Variants in RIMS3 observed in about 807,000 individuals in gnomAD.
RIMS3 encodes the protein regulating synaptic membrane exocytosis 3.
RIMS3 carries 15 observed loss-of-function variants against 29.2 expected under a neutral mutation model. That is an observed-to-expected ratio of 0.51 (90% CI 0.34 to 0.79). The LOEUF is 0.79. Among genes scored for constraint, RIMS3 ranks in the 30% least tolerant of loss-of-function variants. The pLI, the probability that RIMS3 is intolerant of heterozygous loss-of-function variation, is 0.01. For missense variants in RIMS3, 342 were observed against 421.4 expected, an observed-to-expected ratio of 0.81 and a Z score of 1.65; for synonymous variants, 161 against 170.1, an observed-to-expected ratio of 0.95 and a Z score of 0.41.
chr1:40,626,828 A>G, intron 7 of RIMS3, 99 bp from the exon 8 acceptor site: 1 of 1,039,880 alleles, frequency 9.6e-7, no homozygotes, highest in Non-Finnish European at 1.5e-6. Flanking sequence ...GCACAGATGG[A>G]GCAGAGGGAG....
In RIMS3 at chr1:40,654,198, C is replaced by T. The variant is rs779569865; in HGVS notation, c.-206-6356G>A. ...CCCTCCCCCGCGCCGCTGACGAGGC[C>T]GGATCAATATTTCATGGGGGGAAGG... is the stretch of plus-strand genomic sequence containing the variant. On this transcript the variant is annotated intron_variant, in intron 1 of 7. Coordinates refer to ENST00000372684, the MANE Select transcript of RIMS3 (RefSeq NM_014747.3). The surrounding 1 kb of genome is among the most constrained non-coding windows in gnomAD (Gnocchi z 5.3). 1.5e-4 allele frequency among the ~76,000 whole-genome samples: 22 copies of T among 151,306 alleles called. No homozygotes were observed. The highest frequency in any genetic ancestry group is 2.6e-4 in the Admixed American group (4 of 15,230).
chr1:40,658,483 C>T (rs1235620996), intron 1 of RIMS3, among the ~76,000 whole-genome samples: 1 of 152,188 alleles, frequency 6.6e-6, no homozygotes, highest in Non-Finnish European at 1.5e-5. Flanking sequence ...ACGAAGATCC[C>T]CCTTCTCTGA....
chr1:40,641,927 G>GTCA lies in RIMS3; in HGVS notation c.-3_-2insTGA. The GTCA allele has an allele frequency of 6.2e-7, 1 of 1,612,980 alleles. No homozygotes were observed. The highest frequency in any genetic ancestry group is 8.5e-7 in the Non-Finnish European group (1 of 1,179,466). On this transcript the variant is annotated 5_prime_UTR_variant, in exon 3 of 8. In the 5' UTR this introduces an upstream ATG that the reference lacks. Transcript: ENST00000372684. ...AGGACCTGGCTCCCCGTTAAACATG[G>GTCA]TCCCCGGGGTGGCAGGGCCTCAGGC... is the stretch of plus-strand genomic sequence containing the variant.
At chr1:40,638,932 A>G (rs148612609) in intron 3 of RIMS3, among the ~76,000 whole-genome samples, 221 of 152,338 alleles carry the variant, frequency 1.5e-3, no homozygotes, top group African/African-American at 4.8e-3. Flanking sequence ...GAGTTTTTGT[A>G]AGTCCACTCT....
At chr1:40,659,306 A>T (rs1642316943) in intron 1 of RIMS3, among the ~76,000 whole-genome samples, 1 of 152,196 alleles carries the variant, frequency 6.6e-6, no homozygotes, top group South Asian at 2.1e-4. Flanking sequence ...TCAGGCGCAC[A>T]TCATAAAGGG....
At chr1:40,656,907 T>C (rs1642281847) in intron 1 of RIMS3, among the ~76,000 whole-genome samples, 1 of 151,956 alleles carries the variant, frequency 6.6e-6, no homozygotes, top group Non-Finnish European at 1.5e-5. Flanking sequence ...TGTTAAGAAA[T>C]GGCACTGAAA....
chr1:40,677,576 T>C, the RIMS3 span, among the ~76,000 whole-genome samples: 1 of 151,932 alleles, frequency 6.6e-6, no homozygotes, highest in African/African-American at 2.4e-5. Flanking sequence ...CGGGCGCCCG[T>C]AGTCCCAGCT....
chr1:40,680,858 T>G, the RIMS3 span, among the ~76,000 whole-genome samples: 9 of 152,220 alleles, frequency 5.9e-5, no homozygotes, highest in African/African-American at 2.2e-4. Context: ...TTGTCCATAT[T>G]ATACCATGCC....
At position 40,623,317 on chromosome 1, in the gene RIMS3, C is replaced by A. The variant is rs1399844884; in HGVS notation, c.*3200G>T. 7.5e-6 allele frequency: 3 copies of A among 398,280 alleles called. No individual in the cohort carries two copies. The highest frequency in any genetic ancestry group is 1.3e-5 in the Non-Finnish European group (3 of 226,006). 24.7% of individuals were successfully genotyped at this position (398,280 alleles called of 1,614,324 possible). ...CCCTTGTCAAACCAAGACTTGGCTC[C>A]ATTTACTGGAGCCTTTTTCATACCA... On this transcript the variant is annotated 3_prime_UTR_variant, in exon 8 of 8. Coordinates refer to ENST00000372684, the MANE Select transcript of RIMS3 (RefSeq NM_014747.3).
At chr1:40,634,304 C>T (rs555889548) in intron 4 of RIMS3, among the ~76,000 whole-genome samples, 1 of 152,330 alleles carries the variant, frequency 6.6e-6, no homozygotes, top group Non-Finnish European at 1.5e-5. Flanking sequence ...GTGTCTCTCC[C>T]TGACTAGGCC....
intron 1 of RIMS3, among the ~76,000 whole-genome samples, chr1:40,649,574 C>T (rs919391342): frequency 1.3e-5 from 2 of 152,224 alleles, no homozygotes; most frequent in Admixed American, 1.3e-4. Context: ...CGAGCTTGAA[C>T]ACGTGCACAA....
chr1:40,663,315 G>A (rs1642378661), intron 1 of RIMS3, among the ~76,000 whole-genome samples: 1 of 152,182 alleles, frequency 6.6e-6, no homozygotes, highest in Admixed American at 6.5e-5. Context: ...GACATTGACT[G>A]GGGGGTACAC....
chr1:40,670,671 C>T (rs941529440), upstream of RIMS3, among the ~76,000 whole-genome samples: 3 of 146,024 alleles, frequency 2.1e-5, no homozygotes, highest in Non-Finnish European at 3.0e-5. Flanking sequence ...TCACTGCAAT[C>T]TCCGCCTCCC....
the RIMS3 span, among the ~76,000 whole-genome samples, chr1:40,689,030 T>C: frequency 2.6e-5 from 4 of 152,230 alleles, no homozygotes; most frequent in African/African-American, 9.6e-5. Flanking sequence ...GTTGTATTAG[T>C]CTGCTTAGCT....
Position 40,641,885 on chromosome 1 carries a change from G to A in RIMS3, c.41C>T (p.Ser14Phe), listed in dbSNP as rs762915253. Residue 14 changes from serine (S) to phenylalanine (F), a missense_variant, in exon 3 of 8, where the codon TCC becomes TTC. Coordinates refer to ENST00000372684, the MANE Select transcript of RIMS3 (RefSeq NM_014747.3). ...GEPGPASSGA[S>F]RNVVRSSSIS... is the part of the protein sequence containing the mutation. ...GCTGGAGCTCCGCACCACATTCCTG[G>A]AGGCCCCAGATGAGGCAGGACCTGG... The A allele has an allele frequency of 1.1e-5, 17 of 1,613,650 alleles. No individual in the cohort carries two copies. The highest frequency in any genetic ancestry group is 1.4e-5 in the Non-Finnish European group (17 of 1,179,606).
At chr1:40,690,027 C>CTTATATATACT in the RIMS3 span, among the ~76,000 whole-genome samples, 3 of 152,180 alleles carry the variant, frequency 2.0e-5, no homozygotes, top group Non-Finnish European at 4.4e-5. Context: ...TCACTCTTAG[C>CTTATATATACT]TAATTTCCTC....
the RIMS3 span, among the ~76,000 whole-genome samples, chr1:40,678,757 G>T: frequency 6.6e-6 from 1 of 152,186 alleles, no homozygotes; most frequent in African/African-American, 2.4e-5. Context: ...AGCTCTTATG[G>T]TACCACCCAG....
chr1:40,638,649 C>T (rs1476658781), intron 3 of RIMS3, among the ~76,000 whole-genome samples: 1 of 152,208 alleles, frequency 6.6e-6, no homozygotes, highest in Non-Finnish European at 1.5e-5. Context: ...ACTGAAAATA[C>T]TAGCTCCGTT....
At chr1:40,656,074 A>T (rs1642268730) in intron 1 of RIMS3, among the ~76,000 whole-genome samples, 1 of 152,146 alleles carries the variant, frequency 6.6e-6, no homozygotes, top group Non-Finnish European at 1.5e-5. Flanking sequence ...TATTTTCTTT[A>T]AATTGACACT....
Sources: allele counts gnomAD v4.1 joint callset (sites outside exome capture counted in the v4.1 genomes callset), GRCh38; gene constraint gnomAD v4.1.1; non-coding constraint Gnocchi (gnomAD v3.1); transcripts MANE v1.5; gene names NCBI Gene and HGNC (gene_info 2026-07-23, HGNC 2026-07-21).